The following IQSEC2 variants were observed in gnomAD, a reference collection of about 807,000 sequenced individuals.
IQSEC2 encodes IQ motif and SEC7 domain-containing protein 2.
In IQSEC2, 6 loss-of-function variants were observed where a neutral mutation model predicts 74.6. That is an observed-to-expected ratio of 0.08 (90% CI 0.04 to 0.16). The LOEUF (loss-of-function observed/expected upper bound fraction) is 0.16. Ranked by LOEUF, IQSEC2 falls within the 10% of genes least tolerant of loss-of-function variation. The probability of loss-of-function intolerance (pLI) is 1.00; values close to 1 mark genes in which losing one functional copy is unlikely to be tolerated. For missense variants in IQSEC2, 734 were observed against 1,306.2 expected (o/e 0.56, Z 6.75); for synonymous variants, 494 against 544.5 (o/e 0.91, Z 1.29).
chrX:53,279,842 G>A, intron 2 of IQSEC2: 1 of 236,962 alleles, frequency 4.2e-6, no homozygotes, highest in Non-Finnish European at 7.9e-6. Flanking sequence ...GGAAAGGAAG[G>A]AAGATAAGGG....
At position 53,273,235 on chromosome X, in the gene IQSEC2, G is replaced by T. The variant is rs782442263; in HGVS notation, c.738-17174C>A. On this transcript the variant is annotated intron_variant, in intron 2 of 14. Coordinates refer to ENST00000642864, the MANE Select transcript of IQSEC2 (RefSeq NM_001111125.3). ...CACTCTTCCAAGACTCAGTACAAAC[G>T]TCCCCTCCAGTAGGAAGCCTTCCCA... 1.2e-4 allele frequency among the ~76,000 whole-genome samples: 13 copies of T among 110,226 alleles called. No homozygotes were observed. The South Asian group carries it at 4.6e-3, about 39-fold the overall frequency.
intron 1 of IQSEC2, among the ~76,000 whole-genome samples, chrX:53,310,563 C>T (rs782171790): frequency 1.1e-4 from 12 of 111,325 alleles, no homozygotes; most frequent in African/African-American, 3.9e-4. Context: ...CTCCAAAGCT[C>T]GTTCTTTATG....
At chrX:53,236,551 A>G in intron 12 of IQSEC2, 56 bp from the exon 13 acceptor site, 1 of 1,109,183 alleles carries the variant, frequency 9.0e-7, no homozygotes. Flanking sequence ...GTGAGAGCCC[A>G]TCTGACTGAC....
intron 2 of IQSEC2, chrX:53,281,531 C>T: frequency 8.7e-7 from 1 of 1,155,083 alleles, no homozygotes; most frequent in Non-Finnish European, 1.2e-6. Context: ...TGGGTCTGGA[C>T]CTGTCCCAAG....
chrX:53,245,397 C>T (rs1195659798), intron 8 of IQSEC2, among the ~76,000 whole-genome samples: 1 of 103,352 alleles, frequency 9.7e-6, no homozygotes, highest in African/African-American at 3.6e-5. Context: ...CACTGCAATC[C>T]AGCCTGGGTG....
At chrX:53,247,290 TA>T (rs2074321444) in intron 7 of IQSEC2, among the ~76,000 whole-genome samples, 155 bp from the exon 8 acceptor site, 2 of 112,083 alleles carry the variant, frequency 1.8e-5, no homozygotes, top group African/African-American at 6.5e-5. Context: ...GACCAGCATG[TA>T]AAAATCACAA....
chrX:53,237,749 C>T (rs188059525), intron 12 of IQSEC2: 3 of 206,252 alleles, frequency 1.5e-5, no homozygotes, highest in African/African-American at 8.7e-5. Flanking sequence ...ATCTCCATGA[C>T]TCTGTGAAGG....
At chrX:53,263,552 C>A (rs1290281721) in intron 2 of IQSEC2, among the ~76,000 whole-genome samples, 1 of 110,969 alleles carries the variant, frequency 9.0e-6, no homozygotes, top group Admixed American at 9.6e-5. Flanking sequence ...TAGACTACAG[C>A]AAGCTGATCC....
Position 53,315,533 on chromosome X carries a change from T to C in IQSEC2, c.707+4884A>G, listed in dbSNP as rs1382593149. Among the ~76,000 whole-genome samples the C allele has an allele frequency of 5.4e-5, 6 of 111,801 alleles. No homozygotes were observed. The Admixed American group carries it at 5.7e-4, about 11-fold the overall frequency. The stretch of plus-strand genomic sequence containing the variant: ...TCCAGCTCCTTCACAGTTCTGCCAC[T>C]TATTCATTGAGTGATCCTGGGTATG... On this transcript the variant is annotated intron_variant, in intron 1 of 14. Transcript: ENST00000642864.
intron 1 of IQSEC2, among the ~76,000 whole-genome samples, chrX:53,296,135 A>G (rs1294390368): frequency 1.8e-5 from 2 of 108,931 alleles, no homozygotes. Flanking sequence ...TCCTGGGTTC[A>G]AGCGATTCTC....
At chrX:53,279,481 G>A in intron 2 of IQSEC2, 5 of 568,026 alleles carry the variant, frequency 8.8e-6, no homozygotes. Context: ...CAGGGGCTCA[G>A]GGAGGTGGGA....
intron 2 of IQSEC2, among the ~76,000 whole-genome samples, chrX:53,270,497 C>T (rs1468709644): frequency 1.8e-5 from 2 of 111,409 alleles, no homozygotes; most frequent in Non-Finnish European, 3.8e-5. Context: ...CTCCTTCAAG[C>T]CTCTGCTCAA....
chrX:53,263,736 G>A (rs781799830), intron 2 of IQSEC2, among the ~76,000 whole-genome samples: 5 of 111,535 alleles, frequency 4.5e-5, no homozygotes, highest in Non-Finnish European at 7.5e-5. Context: ...TGCCGCTCAC[G>A]GAACATGACA....
At position 53,266,835 on chromosome X, in the gene IQSEC2, T is replaced by C. The variant is rs1018060164; in HGVS notation, c.738-10774A>G. ...AAGGTGGGGGGAGGAAGGGGCACGA[T>C]GCTTGCCCATCTGGTTCCTGAAGCA... On this transcript the variant is annotated intron_variant, in intron 2 of 14. Transcript: ENST00000642864. 4 of 1,035,068 alleles carry C rather than the reference T, an allele frequency of 3.9e-6. No individual in the cohort carries two copies. In the African/African-American group the frequency reaches 6.5e-5, roughly 17 times the overall value. 85.3% of individuals were successfully genotyped at this position (1,035,068 alleles called of 1,213,427 possible).
chrX:53,236,213 T>C (rs1271212805), intron 13 of IQSEC2, 109 bp downstream of exon 13: 2 of 857,577 alleles, frequency 2.3e-6, no homozygotes, highest in African/African-American at 4.0e-5. Flanking sequence ...GAAGGCAGGG[T>C]GCGTGCATGT....
In IQSEC2 at chrX:53,286,669, C is replaced by T. The variant is rs200223419; in HGVS notation, c.737+5226G>A. The stretch of plus-strand genomic sequence containing the variant: ...TGAAAAAGAGATGATAGGCTGGGCG[C>T]GGTGGCTCACACCTATAATCCCAGC... On this transcript the variant is annotated intron_variant, in intron 2 of 14. Coordinates refer to ENST00000642864, the MANE Select transcript of IQSEC2 (RefSeq NM_001111125.3). 1.1e-4 allele frequency among the ~76,000 whole-genome samples: 12 copies of T among 111,321 alleles called. No homozygotes were observed. In the East Asian group the frequency reaches 2.5e-3, roughly 24 times the overall value.
At chrX:53,289,116 C>CA (rs1377047729) in intron 2 of IQSEC2, among the ~76,000 whole-genome samples, 2 of 103,611 alleles carry the variant, frequency 1.9e-5, no homozygotes, top group Admixed American at 1.9e-4. Context: ...CATAAAAGCC[C>CA]AGGCCTAGCG....
chrX:53,246,908 C>T, intron 8 of IQSEC2, 61 bp downstream of exon 8: 1 of 1,047,904 alleles, frequency 9.5e-7, no homozygotes, highest in Non-Finnish European at 1.3e-6. Context: ...CTGCATCCTT[C>T]CCCTTACCCC....
chrX:53,255,856 G>A lies in IQSEC2; in HGVS notation c.943C>T (p.Arg315Cys), dbSNP rs2074458321. The change falls in exon 3 of 15, where the codon CGC becomes TGC. Residue 315 changes from arginine (R) to cysteine (C), a missense_variant. By Grantham distance (180) the Arg-to-Cys change is radical. Transcript: ENST00000642864. ...TAGCTGTCCGATAGGGCCTTGGAGC[G>A]CTTTATCTCCTCCTCCTCCTGCTTC... ...LRKQEEEEIK[R>C]SKALSDSYEL... is the part of the protein sequence containing the mutation. 4 of 1,209,965 alleles carry A rather than the reference G, an allele frequency of 3.3e-6. No individual in the cohort carries two copies. Among genetic ancestry groups the A allele is most frequent in the Admixed American group, 2.2e-5 (1 of 45,890 alleles).
Sources: gnomAD v4.1 joint callset for allele counts (sites outside exome capture counted in the v4.1 genomes callset) on GRCh38, gnomAD v4.1.1 for gene constraint, MANE v1.5 for transcripts, NCBI Gene and HGNC (gene_info 2026-07-23, HGNC 2026-07-21) for gene names.